The following SLIT2 variants were observed in gnomAD, a reference collection of about 807,000 sequenced individuals.
SLIT2 encodes slit homolog 2 protein.
A neutral mutation model predicts 185.7 loss-of-function variants in SLIT2; 41 were observed. That is an observed-to-expected ratio of 0.22 (90% CI 0.17 to 0.29). The LOEUF (loss-of-function observed/expected upper bound fraction) is 0.29. Among genes scored for constraint, SLIT2 ranks in the 10% least tolerant of loss-of-function variants. SLIT2 has a pLI of 1.00. For synonymous variants in SLIT2, 693 were observed against 680.2 expected (o/e 1.02, Z -0.29); for missense variants, 1,571 against 1,909.0 (o/e 0.82, Z 3.30).
chr4:20,466,995 T>C (rs778974060), intron 4 of SLIT2, among the ~76,000 whole-genome samples: 17 of 152,162 alleles, frequency 1.1e-4, no homozygotes, highest in Non-Finnish European at 2.2e-4. Context: ...AGAATTGGCA[T>C]TGGAATTCTC....
intron 4 of SLIT2, among the ~76,000 whole-genome samples, chr4:20,271,467 T>G (rs1022632875): frequency 6.9e-6 from 1 of 144,078 alleles, no homozygotes; most frequent in Non-Finnish European, 1.5e-5. Context: ...TATATAATAT[T>G]TATATATAAT....
intron 4 of SLIT2, among the ~76,000 whole-genome samples, chr4:20,444,284 C>A (rs1711534218): frequency 6.6e-6 from 1 of 152,002 alleles, no homozygotes; most frequent in Non-Finnish European, 1.5e-5. Context: ...AAAATAGGCT[C>A]ATTTAAGGAG....
At chr4:20,585,199 AG>A (rs1726956416) in intron 29 of SLIT2, among the ~76,000 whole-genome samples, 2 of 152,260 alleles carry the variant, frequency 1.3e-5, no homozygotes, top group Admixed American at 1.3e-4. Context: ...TACCAGTTAC[AG>A]TAGATCATTT....
intron 4 of SLIT2, among the ~76,000 whole-genome samples, chr4:20,368,889 A>G (rs1355130757): frequency 2.6e-5 from 4 of 152,116 alleles, no homozygotes; most frequent in African/African-American, 9.7e-5. Context: ...TGATATTTAC[A>G]TATCACACTC....
At chr4:20,535,177 T>C (rs561757294) in intron 18 of SLIT2, among the ~76,000 whole-genome samples, 1 of 152,026 alleles carries the variant, frequency 6.6e-6, no homozygotes, top group South Asian at 2.1e-4. Context: ...TACATGCCTG[T>C]AGTCCCAGCT....
At chr4:20,448,971 A>G (rs532652456) in intron 4 of SLIT2, among the ~76,000 whole-genome samples, 1 of 152,326 alleles carries the variant, frequency 6.6e-6, no homozygotes, top group Non-Finnish European at 1.5e-5. Context: ...TTCTACTTCA[A>G]GAGTGACAGG....
In SLIT2 at chr4:20,435,030, T is replaced by C. The variant is rs576509558; in HGVS notation, c.396-32722T>C. The stretch of plus-strand genomic sequence containing the variant: ...ACTGAACTACAATCTACATATCCTA[T>C]CTTCTATTAGTGGACATTTAACTTG... On this transcript the variant is annotated intron_variant, in intron 4 of 36. Coordinates refer to ENST00000504154, the MANE Select transcript of SLIT2 (RefSeq NM_004787.4). 5.3e-4 allele frequency among the ~76,000 whole-genome samples: 81 copies of C among 152,350 alleles called. 1 individual carries two copies. In the South Asian group the frequency reaches 0.015, roughly 28 times the overall value.
At chr4:20,594,184 T>C (rs780028444) in intron 30 of SLIT2, among the ~76,000 whole-genome samples, 33 of 149,718 alleles carry the variant, frequency 2.2e-4, no homozygotes, top group Non-Finnish European at 4.7e-4. Context: ...TATGTACATG[T>C]GTGTATATAC....
chr4:20,587,765 C>T (rs1727182103), intron 29 of SLIT2, among the ~76,000 whole-genome samples: 1 of 152,210 alleles, frequency 6.6e-6, no homozygotes, highest in South Asian at 2.1e-4. Flanking sequence ...TCTAGCACAA[C>T]ATCACGTAGT....
intron 4 of SLIT2, among the ~76,000 whole-genome samples, chr4:20,390,764 T>C (rs991587251): frequency 4.8e-4 from 69 of 145,014 alleles, no homozygotes; most frequent in African/African-American, 1.4e-3. Context: ...ATCTTATTTT[T>C]TTTTTTTAAA....
Position 20,610,116 on chromosome 4 carries a change from A to G in SLIT2, c.3796A>G (p.Asn1266Asp). 6.2e-7 allele frequency: 1 copy of G among 1,613,778 alleles called. No homozygotes were observed. Among genetic ancestry groups the G allele is most frequent in the East Asian group, 2.2e-5 (1 of 44,832 alleles). The change falls in exon 34 of 37, where the codon AAC becomes GAC. Residue 1266 changes from asparagine to aspartate, a missense_variant. Physicochemically the swap from Asn to Asp is conservative, Grantham distance 23 (BLOSUM62 1). Transcript: ENST00000504154. ...VDGGNPKIIT[N>D]LSKQSTLNFD... is the part of the protein sequence containing the mutation. ...TGGTGGGAACCCCAAAATCATCACT[A>G]ACTTGTCAAAGCAGTCCACTCTGAA...
intron 4 of SLIT2, among the ~76,000 whole-genome samples, chr4:20,312,817 G>T (rs1426812791): frequency 1.3e-5 from 2 of 149,528 alleles, no homozygotes; most frequent in Non-Finnish European, 3.0e-5. Flanking sequence ...ACATATTTTA[G>T]AGTAGGGCTT....
chr4:20,526,021 G>A (rs1445053952), intron 15 of SLIT2, among the ~76,000 whole-genome samples: 4 of 151,934 alleles, frequency 2.6e-5, no homozygotes, highest in Non-Finnish European at 5.9e-5. Flanking sequence ...TGACTTGTTT[G>A]TTTTAAACCA....
intron 4 of SLIT2, among the ~76,000 whole-genome samples, chr4:20,437,030 C>T (rs1213190637): frequency 1.3e-5 from 2 of 152,148 alleles, no homozygotes; most frequent in Non-Finnish European, 2.9e-5. Context: ...GCTTGGAATG[C>T]AGTAAGCACT....
chr4:20,277,631 A>G (rs1714295889), intron 4 of SLIT2, among the ~76,000 whole-genome samples: 1 of 151,074 alleles, frequency 6.6e-6, no homozygotes, highest in Admixed American at 6.6e-5. Context: ...AATCTGCCTC[A>G]ATGTAGGTAT....
intron 4 of SLIT2, among the ~76,000 whole-genome samples, chr4:20,324,261 A>ATG (rs1294918192): frequency 8.1e-6 from 1 of 123,832 alleles, no homozygotes; most frequent in Non-Finnish European, 1.7e-5. Context: ...GCATTGAGAC[A>ATG]ATGTATTGGT....
chr4:20,533,509 A>G (rs1721986217), intron 17 of SLIT2, 63 bp from the exon 18 acceptor site: 4 of 1,271,398 alleles, frequency 3.1e-6, no homozygotes, highest in African/African-American at 3.0e-5. Context: ...ATTATCAACT[A>G]TGTTTCAATT....
chr4:20,393,170 C>T (rs552923162), intron 4 of SLIT2, among the ~76,000 whole-genome samples: 2 of 152,056 alleles, frequency 1.3e-5, no homozygotes, highest in South Asian at 2.1e-4. Flanking sequence ...ATTGTATATG[C>T]GATCCATTAT....
intron 34 of SLIT2, chr4:20,615,850 CA>C (rs1489252023): frequency 6.6e-6 from 1 of 152,228 alleles, no homozygotes; most frequent in African/African-American, 2.4e-5. Flanking sequence ...AGAGTTTAGG[CA>C]CAGCTAAAGC....
Sources: gnomAD v4.1 joint callset for allele counts (sites outside exome capture counted in the v4.1 genomes callset) on GRCh38, gnomAD v4.1.1 for gene constraint, MANE v1.5 for transcripts, NCBI Gene and HGNC (gene_info 2026-07-23, HGNC 2026-07-21) for gene names.